RSPO2: variants seen among roughly 807,000 people sequenced by gnomAD.
RSPO2 encodes R-spondin-2.
RSPO2 carries 14 observed loss-of-function variants against 30.9 expected under a neutral mutation model. The observed-to-expected ratio is 0.45, with a 90% CI of 0.30 to 0.71. RSPO2 has a LOEUF of 0.71. Ranked by LOEUF, RSPO2 falls within the 30% of genes least tolerant of loss-of-function variation. The probability of loss-of-function intolerance (pLI) is 0.08; values close to 1 mark genes in which losing one functional copy is unlikely to be tolerated. For missense variants in RSPO2, 264 were observed against 301.9 expected (o/e 0.87, Z 0.93); for synonymous variants, 107 against 96.4 (o/e 1.11, Z -0.64).
At chr8:108,015,096 C>T (rs1031845321) in intron 2 of RSPO2, among the ~76,000 whole-genome samples, 1 of 152,080 alleles carries the variant, frequency 6.6e-6, no homozygotes, top group Admixed American at 6.6e-5. Context: ...GTGATTCATA[C>T]GTTGGTTTCT....
intron 2 of RSPO2, among the ~76,000 whole-genome samples, chr8:108,045,857 G>C (rs1811894695): frequency 6.6e-6 from 1 of 152,120 alleles, no homozygotes; most frequent in African/African-American, 2.4e-5. Flanking sequence ...CGACACTCCG[G>C]AATATATCTC....
intron 2 of RSPO2, among the ~76,000 whole-genome samples, chr8:108,044,467 GT>G (rs1227377608): frequency 6.6e-6 from 1 of 151,990 alleles, no homozygotes; most frequent in Non-Finnish European, 1.5e-5. Flanking sequence ...GCAGTATTTG[GT>G]TTTCTGTCTC....
intron 3 of RSPO2, among the ~76,000 whole-genome samples, chr8:107,981,993 G>GCAA (rs1253745541): frequency 3.9e-5 from 4 of 103,696 alleles, no homozygotes; most frequent in Admixed American, 2.7e-4. Context: ...CTATGACTGT[G>GCAA]CAACAACAAC....
chr8:107,901,925 A>C (rs146795611), intron 5 of RSPO2, among the ~76,000 whole-genome samples: 3 of 152,304 alleles, frequency 2.0e-5, no homozygotes, highest in Non-Finnish European at 4.4e-5. Flanking sequence ...GCTACAAGCT[A>C]ACTAGTTGAG....
At chr8:108,034,471 T>C (rs1811528047) in intron 2 of RSPO2, among the ~76,000 whole-genome samples, 1 of 152,178 alleles carries the variant, frequency 6.6e-6, no homozygotes, top group Non-Finnish European at 1.5e-5. Flanking sequence ...TAGGATAAAG[T>C]ACATGATATC....
At chr8:108,061,140 A>C (rs1812447149) in intron 2 of RSPO2, among the ~76,000 whole-genome samples, 1 of 151,812 alleles carries the variant, frequency 6.6e-6, no homozygotes, top group South Asian at 2.1e-4. Flanking sequence ...CAAGCAAAAT[A>C]ACCAGCTAAC....
At chr8:108,054,792 T>A (rs1812191420) in intron 2 of RSPO2, among the ~76,000 whole-genome samples, 1 of 152,136 alleles carries the variant, frequency 6.6e-6, no homozygotes, top group African/African-American at 2.4e-5. Flanking sequence ...TGCCGCACCC[T>A]AGTCCTGGTC....
chr8:107,983,324 T>C, intron 3 of RSPO2: 1 of 1,608,612 alleles, frequency 6.2e-7, no homozygotes, highest in Non-Finnish European at 8.5e-7. Flanking sequence ...CAGCTCCTCC[T>C]CATCCAAGAG....
chr8:108,068,245 A>G (rs1047534620), intron 2 of RSPO2, among the ~76,000 whole-genome samples: 1 of 152,228 alleles, frequency 6.6e-6, no homozygotes, highest in African/African-American at 2.4e-5. Context: ...AGAGGAAGAA[A>G]GGAACTTGAG....
At chr8:107,955,340 TG>T (rs2130424689) in intron 5 of RSPO2, among the ~76,000 whole-genome samples, 1 of 152,254 alleles carries the variant, frequency 6.6e-6, no homozygotes, top group African/African-American at 2.4e-5. Context: ...TTAAGTGACT[TG>T]TCAGGGCTCA....
At chr8:107,954,327 G>A (rs1462112811) in intron 5 of RSPO2, among the ~76,000 whole-genome samples, 1 of 152,102 alleles carries the variant, frequency 6.6e-6, no homozygotes, top group Non-Finnish European at 1.5e-5. Context: ...CAAAAAGCAT[G>A]TTTATACTTT....
chr8:107,968,644 G>C (rs1376888304), intron 3 of RSPO2, among the ~76,000 whole-genome samples: 1 of 151,942 alleles, frequency 6.6e-6, no homozygotes, highest in African/African-American at 2.4e-5. Context: ...TAATTACTCT[G>C]ATTTATTCAT....
At chr8:108,024,447 G>A (rs1811142575) in intron 2 of RSPO2, among the ~76,000 whole-genome samples, 1 of 150,482 alleles carries the variant, frequency 6.6e-6, no homozygotes, top group Non-Finnish European at 1.5e-5. Context: ...AAAAAAAAAA[G>A]CTCAGTGCAA....
intron 2 of RSPO2, among the ~76,000 whole-genome samples, chr8:108,001,851 G>C (rs1296252644): frequency 6.6e-6 from 1 of 152,140 alleles, no homozygotes; most frequent in Admixed American, 6.5e-5. Context: ...CATGGACACA[G>C]AGAGGGGAAC....
chr8:107,948,329 C>CCA (rs1414489608), intron 5 of RSPO2, among the ~76,000 whole-genome samples: 1 of 152,134 alleles, frequency 6.6e-6, no homozygotes, highest in African/African-American at 2.4e-5. Context: ...AATCCCAGCT[C>CCA]CAACACTGGA....
intron 5 of RSPO2, among the ~76,000 whole-genome samples, chr8:107,923,257 C>T (rs1322959879): frequency 6.6e-6 from 1 of 152,042 alleles, no homozygotes; most frequent in Non-Finnish European, 1.5e-5. Flanking sequence ...AAAAAGTGGG[C>T]AAAGGACATG....
At chr8:107,977,130 C>T (rs1447981474) in intron 3 of RSPO2, among the ~76,000 whole-genome samples, 2 of 152,306 alleles carry the variant, frequency 1.3e-5, no homozygotes, top group South Asian at 2.1e-4. Flanking sequence ...AGCCCATAAA[C>T]AGGTATGTGT....
At position 108,082,750 on chromosome 8, in the gene RSPO2, A is replaced by T; in HGVS notation, c.-112T>A. ...GGGAGGACTCAGAGGGAGACTCGCCACTCACCCCCGGGCCGCACCGGTCAG... is the reference window on the plus strand; with the variant it reads ...GGGAGGACTCAGAGGGAGACTCGCCTCTCACCCCCGGGCCGCACCGGTCAG... On this transcript the variant is annotated 5_prime_UTR_variant, in exon 2 of 6. Coordinates refer to ENST00000276659, the MANE Select transcript of RSPO2 (RefSeq NM_178565.5). 1 of 797,692 alleles carries T rather than the reference A, an allele frequency of 1.3e-6. No individual in the cohort carries two copies. The highest frequency in any genetic ancestry group is 2.6e-5 in the East Asian group (1 of 39,036). 49.4% of individuals were successfully genotyped at this position (797,692 alleles called of 1,614,324 possible). A position where few individuals can be genotyped will look rare whatever the true frequency, so the allele number is the denominator to read the frequency against.
At chr8:107,981,910 T>C (rs1814448092) in intron 3 of RSPO2, among the ~76,000 whole-genome samples, 1 of 149,976 alleles carries the variant, frequency 6.7e-6, no homozygotes, top group African/African-American at 2.5e-5. Context: ...GGCACACGAC[T>C]GTAGTCCCAG....
Sources: gnomAD v4.1 joint callset for allele counts (sites outside exome capture counted in the v4.1 genomes callset) on GRCh38, gnomAD v4.1.1 for gene constraint, MANE v1.5 for transcripts, NCBI Gene and HGNC (gene_info 2026-07-23, HGNC 2026-07-21) for gene names.